The following GYG2 variants were observed in gnomAD, a reference collection of about 807,000 sequenced individuals.
The protein encoded by GYG2 is glycogenin-2.
In GYG2, 29 loss-of-function variants were observed where a neutral mutation model predicts 29.4. That is an observed-to-expected ratio of 0.99 (90% confidence interval 0.74 to 1.35). The LOEUF (loss-of-function observed/expected upper bound fraction) is 1.35. Among genes scored for constraint, GYG2 ranks in the 40% most tolerant of loss-of-function variants. The pLI, the probability that GYG2 is intolerant of heterozygous loss-of-function variation, is 0.00. For missense variants in GYG2, 370 were observed against 385.7 expected (o/e 0.96, Z 0.34); for synonymous variants, 167 against 172.3 (o/e 0.97, Z 0.24).
chrX:2,857,354 A>C (rs1439951145), intron 6 of GYG2, among the ~76,000 whole-genome samples: 1 of 110,054 alleles, frequency 9.1e-6, no homozygotes, highest in Non-Finnish European at 1.9e-5. Context: ...ATCTAGAACT[A>C]GATATCTATG....
intron 3 of GYG2, among the ~76,000 whole-genome samples, 193 bp downstream of exon 3, chrX:2,843,547 G>A (rs773843705): frequency 1.8e-5 from 2 of 112,149 alleles, no homozygotes; most frequent in African/African-American, 6.5e-5. Flanking sequence ...GCGTGTGATC[G>A]GCTTCACAAT....
chrX:2,847,866 G>A (rs2087777483), intron 3 of GYG2, among the ~76,000 whole-genome samples: 2 of 112,238 alleles, frequency 1.8e-5, no homozygotes, highest in African/African-American at 6.5e-5. Context: ...GGTTCCATGT[G>A]GTGGGGTGTC....
At chrX:2,861,943 C>T (rs1257335385) in intron 8 of GYG2, among the ~76,000 whole-genome samples, 1 of 111,856 alleles carries the variant, frequency 8.9e-6, no homozygotes, top group African/African-American at 3.3e-5. Flanking sequence ...TCCCTAGGAC[C>T]TGTGAATGTC....
intron 3 of GYG2, 35 bp from the exon 4 acceptor site, chrX:2,853,945 C>T (rs376908087): frequency 4.4e-5 from 47 of 1,074,002 alleles, no homozygotes; most frequent in Non-Finnish European, 5.9e-5. Context: ...GAATATTCAC[C>T]CGCTGTCCCA....
rs66470043 is a variant in GYG2, at chrX:2,856,748, CTATG to C, written c.614+128_614+131del. 96,602 of 299,179 alleles carry C rather than the reference CTATG, an allele frequency of 0.32. 8,469 individuals carry two copies. The highest frequency in any genetic ancestry group is 0.41 in the Middle Eastern group (410 of 988). The allele number at this position is 299,179 out of a possible 1,213,427, so 24.7% of individuals were successfully genotyped here. On this transcript the variant is annotated intron_variant, in intron 6 of 10. Coordinates refer to ENST00000398806, the MANE Select transcript of GYG2 (RefSeq NM_001079855.2). ...ATCTATCTATCTATCATCTATCTAT[CTATG>C]TATCTATCTATCTATCTATCTATCT...
intron 2 of GYG2, among the ~76,000 whole-genome samples, chrX:2,836,142 A>G (rs1445464404): frequency 4.5e-5 from 5 of 111,115 alleles, no homozygotes; most frequent in Admixed American, 3.8e-4. Context: ...AGTGTGGGGG[A>G]TGAGATGACC....
intron 1 of GYG2, among the ~76,000 whole-genome samples, chrX:2,829,577 G>A (rs1442443915): frequency 9.9e-6 from 1 of 101,129 alleles, no homozygotes; most frequent in East Asian, 3.2e-4. Context: ...ACGAGGGAGG[G>A]GGCACCTGGC....
intron 6 of GYG2, among the ~76,000 whole-genome samples, chrX:2,857,138 G>C (rs1412961899): frequency 1.9e-5 from 2 of 107,138 alleles, no homozygotes; most frequent in Non-Finnish European, 3.9e-5. Flanking sequence ...CTATATCTAT[G>C]TAGATATTTA....
Position 2,856,719 on chromosome X carries a change from CTCTA to C in GYG2, c.614+110_614+113del, listed in dbSNP as rs142907396. ...TACCAGCTGTCGGCATATTTAAAAACTCTATCTATCTATCTATCATCTATCTATC... is the reference window on the plus strand; with the variant it reads ...TACCAGCTGTCGGCATATTTAAAAACTCTATCTATCTATCATCTATCTATC... On this transcript the variant is annotated intron_variant, in intron 6 of 10. Transcript: ENST00000398806. The C allele has an allele frequency of 0.28, 125,474 of 455,192 alleles. 17,097 individuals are homozygous for C. The highest frequency in any genetic ancestry group is 0.46 in the African/African-American group (15,303 of 33,039). The allele number at this position is 455,192 out of a possible 1,213,427, so 37.5% of individuals were successfully genotyped here. A position where few individuals can be genotyped will look rare whatever the true frequency, so the allele number is the denominator to read the frequency against.
chrX:2,881,597 CCT>C lies in GYG2; in HGVS notation c.*386_*387del, dbSNP rs2088721804. ...GAGACCTACCCTATTCAGAATTAAA[CCT>C]CACTGCAAATTTCCTCCCATCACGA... On this transcript the variant is annotated 3_prime_UTR_variant, in exon 11 of 11. Transcript: ENST00000398806. 1 of 123,467 alleles carries C rather than the reference CCT, an allele frequency of 8.1e-6. No individual in the cohort carries two copies. The highest frequency in any genetic ancestry group is 8.7e-5 in the Admixed American group (1 of 11,436). The allele number at this position is 123,467 out of a possible 1,213,427, so 10.2% of individuals were successfully genotyped here.
At chrX:2,849,778 A>G (rs2087826256) in intron 3 of GYG2, among the ~76,000 whole-genome samples, 1 of 111,790 alleles carries the variant, frequency 8.9e-6, no homozygotes, top group African/African-American at 3.3e-5. Flanking sequence ...CTTTGAGGAA[A>G]AAGTTAGTTG....
At chrX:2,856,662 C>T in intron 6 of GYG2, 38 bp downstream of exon 6, 3 of 1,139,755 alleles carry the variant, frequency 2.6e-6, no homozygotes, top group Non-Finnish European at 3.6e-6. Flanking sequence ...CCAGATCTGC[C>T]ACTACCGATC....
intron 2 of GYG2, among the ~76,000 whole-genome samples, chrX:2,837,552 C>T (rs1003592495): frequency 1.2e-4 from 13 of 110,160 alleles, no homozygotes; most frequent in Non-Finnish European, 1.9e-4. Context: ...CTCAAAACAA[C>T]GCCCCTCCTC....
intron 2 of GYG2, 108 bp downstream of exon 2, chrX:2,830,303 AC>A: frequency 7.0e-6 from 5 of 711,987 alleles, no homozygotes; most frequent in Non-Finnish European, 1.1e-5. Context: ...ATTGCCCCAA[AC>A]CCCGAGTCTC....
In GYG2 at chrX:2,861,319, C is replaced by G. The variant is rs192332439; in HGVS notation, c.838-203C>G. On this transcript the variant is annotated intron_variant, in intron 7 of 10. Coordinates refer to ENST00000398806, the MANE Select transcript of GYG2 (RefSeq NM_001079855.2). ...TACTGGATTACTAAGTACTGGATTA[C>G]TAAGTACTGGATTGCATAGGAGGGA... Among the ~76,000 whole-genome samples, 431 of 111,517 alleles carry G rather than the reference C, an allele frequency of 3.9e-3. 5 individuals carry two copies. Among genetic ancestry groups the G allele is most frequent in the African/African-American group, 0.014 (419 of 30,647 alleles).
At chrX:2,857,189 G>T (rs748646856) in intron 6 of GYG2, among the ~76,000 whole-genome samples, 1 of 106,982 alleles carries the variant, frequency 9.3e-6, no homozygotes, top group Non-Finnish European at 1.9e-5. Flanking sequence ...TCTAGACCTA[G>T]ATATCTATCT....
intron 8 of GYG2, among the ~76,000 whole-genome samples, chrX:2,873,318 AAAG>A (rs1185358894): frequency 1.8e-5 from 2 of 110,154 alleles, no homozygotes; most frequent in Non-Finnish European, 3.8e-5. Flanking sequence ...CTGAGATCTG[AAAG>A]AAGAAGCCCA....
rs2087922777 is a variant in GYG2, at chrX:2,853,969, G to A, written c.150-11G>A. The A allele has an allele frequency of 8.5e-7, 1 of 1,181,770 alleles. No homozygotes were observed. Among genetic ancestry groups the A allele is most frequent in the Non-Finnish European group, 1.2e-6 (1 of 869,046 alleles). On this transcript the variant is annotated splice_polypyrimidine_tract_variant and intron_variant, in intron 3 of 10. Coordinates refer to ENST00000398806, the MANE Select transcript of GYG2 (RefSeq NM_001079855.2). ...CCCGCTGTCCCACTATTTGGCACATGTCTGTTCCAGGGTCATCCTCTCGAA... is the reference window on the plus strand; with the variant it reads ...CCCGCTGTCCCACTATTTGGCACATATCTGTTCCAGGGTCATCCTCTCGAA...
chrX:2,873,371 C>A (rs1271602518), intron 8 of GYG2, among the ~76,000 whole-genome samples: 1 of 112,282 alleles, frequency 8.9e-6, no homozygotes, highest in Non-Finnish European at 1.9e-5. Context: ...TTCTCTCCAG[C>A]TGTATTGAGG....
Sources: gnomAD v4.1 joint callset for allele counts (sites outside exome capture counted in the v4.1 genomes callset) on GRCh38, gnomAD v4.1.1 for gene constraint, MANE v1.5 for transcripts, NCBI Gene and HGNC (gene_info 2026-07-23, HGNC 2026-07-21) for gene names.